XPNPEP1: variants seen among roughly 807,000 people sequenced by gnomAD.
The protein encoded by XPNPEP1 is xaa-Pro aminopeptidase 1.
In XPNPEP1, 39 loss-of-function variants were observed where a neutral mutation model predicts 92.4. The ratio of observed to expected loss-of-function variants is 0.42; its 90% confidence interval spans 0.33 to 0.55. The LOEUF (loss-of-function observed/expected upper bound fraction) is 0.55. Ranked by LOEUF, XPNPEP1 falls within the 20% of genes least tolerant of loss-of-function variation. XPNPEP1 has a pLI of 0.08. For synonymous variants in XPNPEP1, 307 were observed against 299.4 expected, an observed-to-expected ratio of 1.03 and a Z score of -0.26; for missense variants, 654 against 856.1, an observed-to-expected ratio of 0.76 and a Z score of 2.95.
At chr10:109,874,820 G>A (rs1038135074) in intron 15 of XPNPEP1, among the ~76,000 whole-genome samples, 18 of 152,146 alleles carry the variant, frequency 1.2e-4, no homozygotes, top group South Asian at 2.1e-4. Context: ...GTGGTGGCGG[G>A]CACCTGTAGT....
At chr10:109,896,792 G>A (rs915287510) in intron 3 of XPNPEP1, among the ~76,000 whole-genome samples, 16 of 151,984 alleles carry the variant, frequency 1.1e-4, no homozygotes, top group African/African-American at 2.2e-4. Flanking sequence ...CCATATCTAC[G>A]AAGATGGACG....
chr10:109,883,806 A>G, intron 9 of XPNPEP1: 1 of 396,262 alleles, frequency 2.5e-6, no homozygotes, highest in Non-Finnish European at 4.5e-6. Context: ...ACTGGCTGCT[A>G]GAAAACTTGA....
intron 1 of XPNPEP1, among the ~76,000 whole-genome samples, chr10:109,920,048 G>A (rs1046658190): frequency 6.6e-6 from 1 of 150,758 alleles, no homozygotes. Flanking sequence ...AAAAAAAAAA[G>A]AAAGAAAAGA....
At chr10:109,878,765 A>C (rs187181390) in intron 12 of XPNPEP1, among the ~76,000 whole-genome samples, 2 of 152,052 alleles carry the variant, frequency 1.3e-5, no homozygotes, top group African/African-American at 4.8e-5. Flanking sequence ...AGTCCCAACT[A>C]ATCGGGAGGC....
At chr10:109,902,782 G>C (rs953710347) in intron 3 of XPNPEP1, among the ~76,000 whole-genome samples, 1 of 152,230 alleles carries the variant, frequency 6.6e-6, no homozygotes, top group African/African-American at 2.4e-5. Context: ...TCAGGATGTT[G>C]CTACAAAACA....
intron 5 of XPNPEP1, among the ~76,000 whole-genome samples, chr10:109,890,550 TTGTGTGTGTG>T (rs768880431): frequency 9.7e-6 from 1 of 103,190 alleles, no homozygotes; most frequent in African/African-American, 4.2e-5. Context: ...ATGCCTGCCT[TTGTGTGTGTG>T]TGTGTGTGTG....
intron 1 of XPNPEP1, 141 bp from the exon 2 acceptor site, chr10:109,915,240 TA>T: frequency 2.3e-6 from 1 of 426,858 alleles, no homozygotes; most frequent in Non-Finnish European, 4.1e-6. Context: ...AGTGGCAGAA[TA>T]AATAAAAGTT....
At chr10:109,871,156 G>A in intron 17 of XPNPEP1, 1 of 378,792 alleles carries the variant, frequency 2.6e-6, no homozygotes, top group Non-Finnish European at 4.8e-6. Flanking sequence ...GCACACAGAG[G>A]CCGTATCAGA....
At chr10:109,877,592 G>A in intron 14 of XPNPEP1, 198 bp downstream of exon 14, 1 of 655,686 alleles carries the variant, frequency 1.5e-6, no homozygotes, top group Admixed American at 2.9e-5. Flanking sequence ...CTGAGCCTAA[G>A]AAGAGGCTCC....
Position 109,877,833 on chromosome 10 carries a change from T to G in XPNPEP1, c.1276A>C (p.Thr426Pro). The G allele has an allele frequency of 6.2e-7, 1 of 1,614,218 alleles. No homozygotes were observed. Among genetic ancestry groups the G allele is most frequent in the Non-Finnish European group, 8.5e-7 (1 of 1,180,040 alleles). The change falls in exon 14 of 21, where the codon ACA becomes CCA. Residue 426 changes from threonine to proline, a missense_variant. Transcript: ENST00000502935. ...QADFVDLSFPTISSTGPNGAI... is the reference protein window; with the variant it reads ...QADFVDLSFPPISSTGPNGAI... ...CCGTTGGGTCCCGTACTGGAAATTG[T>G]TGGGAAGCTCAGGTCCACAAAGTCT... is the stretch of plus-strand genomic sequence containing the variant.
intron 3 of XPNPEP1, among the ~76,000 whole-genome samples, chr10:109,902,660 G>GAAGATGGA (rs1234556205): frequency 1.3e-5 from 2 of 152,204 alleles, no homozygotes; most frequent in African/African-American, 4.8e-5. Flanking sequence ...GAGGGGTGAT[G>GAAGATGGA]AAGATGGAAG....
At chr10:109,876,051 C>T (rs1006571343) in intron 14 of XPNPEP1, 3 of 155,886 alleles carry the variant, frequency 1.9e-5, no homozygotes, top group African/African-American at 7.2e-5. Context: ...TCCTTCAGCC[C>T]TGACCCCAGC....
chr10:109,902,507 C>T (rs1377149561), intron 3 of XPNPEP1, among the ~76,000 whole-genome samples: 1 of 152,216 alleles, frequency 6.6e-6, no homozygotes, highest in Admixed American at 6.5e-5. Flanking sequence ...ACTACCTGCC[C>T]TCTGCATTTG....
At chr10:109,923,375 C>T in intron 1 of XPNPEP1, 27 bp downstream of exon 1, 1 of 1,429,194 alleles carries the variant, frequency 7.0e-7, no homozygotes, top group Non-Finnish European at 9.2e-7. Context: ...GCTGCCCGGA[C>T]GCCGGCTGCC....
At chr10:109,883,851 A>T (rs1237548539) in intron 9 of XPNPEP1, 8 of 487,418 alleles carry the variant, frequency 1.6e-5, no homozygotes, top group African/African-American at 1.6e-4. Context: ...AGACACTTTC[A>T]TGCGTTTCAA....
chr10:109,878,333 A>T (rs1430161267), intron 12 of XPNPEP1: 2 of 352,550 alleles, frequency 5.7e-6, no homozygotes, highest in Non-Finnish European at 1.0e-5. Context: ...TAAGTTTAAA[A>T]ATTCAAAAGC....
intron 5 of XPNPEP1, among the ~76,000 whole-genome samples, chr10:109,890,662 A>G (rs1848659846): frequency 6.6e-6 from 1 of 151,324 alleles, no homozygotes; most frequent in East Asian, 1.9e-4. Flanking sequence ...ACAGGCAACA[A>G]TCTGTAGCTT....
At chr10:109,912,548 T>C (rs545257382) in intron 2 of XPNPEP1, among the ~76,000 whole-genome samples, 86 of 152,280 alleles carry the variant, frequency 5.6e-4, no homozygotes, top group African/African-American at 1.7e-3. Context: ...GGTGCAATTA[T>C]ATAAGTCCTA....
At chr10:109,901,163 C>T (rs1849267325) in intron 3 of XPNPEP1, among the ~76,000 whole-genome samples, 1 of 150,078 alleles carries the variant, frequency 6.7e-6, no homozygotes, top group African/African-American at 2.5e-5. Context: ...AACCATCATT[C>T]TGAGCAAACT....
Sources: allele counts gnomAD v4.1 joint callset (sites outside exome capture counted in the v4.1 genomes callset), GRCh38; gene constraint gnomAD v4.1.1; transcripts MANE v1.5; gene names NCBI Gene and HGNC (gene_info 2026-07-23, HGNC 2026-07-21).